Variants in MCC observed in about 807,000 individuals in gnomAD.
The protein encoded by MCC is colorectal mutant cancer protein.
MCC carries 90 observed loss-of-function variants against 116.2 expected under a neutral mutation model. The observed-to-expected ratio is 0.77, with a 90% CI of 0.65 to 0.92. The LOEUF is 0.92. MCC is among the 40% of genes least tolerant of loss of function. MCC has a pLI of 0.00. For synonymous variants in MCC, 578 were observed against 510.5 expected (o/e 1.13, Z -1.78); for missense variants, 1,516 against 1,312.2 (o/e 1.16, Z -2.40).
At chr5:113,142,130 C>A (rs150612785) in intron 5 of MCC, among the ~76,000 whole-genome samples, 115 of 152,170 alleles carry the variant, frequency 7.6e-4, no homozygotes, top group African/African-American at 2.7e-3. Context: ...AAAACAGATG[C>A]CCATTAGTAG....
intron 3 of MCC, among the ~76,000 whole-genome samples, chr5:113,324,645 G>A (rs1767505555): frequency 6.6e-6 from 1 of 152,158 alleles, no homozygotes; most frequent in Non-Finnish European, 1.5e-5. Context: ...TAGATGGCAT[G>A]AATAACACTA....
chr5:113,201,626 T>C (rs563505299), intron 3 of MCC, among the ~76,000 whole-genome samples: 5 of 152,328 alleles, frequency 3.3e-5, no homozygotes, highest in South Asian at 2.1e-4. Flanking sequence ...CAAACTTTTA[T>C]GAAAACTTGA....
At chr5:113,149,257 A>T (rs1418126457) in intron 4 of MCC, among the ~76,000 whole-genome samples, 1 of 152,094 alleles carries the variant, frequency 6.6e-6, no homozygotes, top group Non-Finnish European at 1.5e-5. Flanking sequence ...AAACACTGTA[A>T]AACAAAAAAA....
At chr5:113,071,299 C>T (rs1357077306) in intron 11 of MCC, 65 bp from the exon 12 acceptor site, 1 of 1,554,282 alleles carries the variant, frequency 6.4e-7, no homozygotes, top group South Asian at 1.2e-5. Flanking sequence ...TTTCAGTTGT[C>T]TCATTTATAT....
At chr5:113,129,351 G>C (rs904969826) in intron 5 of MCC, among the ~76,000 whole-genome samples, 2 of 152,220 alleles carry the variant, frequency 1.3e-5, no homozygotes, top group Non-Finnish European at 2.9e-5. Context: ...GACAAAAAAA[G>C]TCACTGGATT....
intron 2 of MCC, among the ~76,000 whole-genome samples, chr5:113,364,239 AAAAAAAAAAAAAAAAAAAAAACCAG>A (rs1034866855): frequency 1.7e-4 from 11 of 64,944 alleles, no homozygotes; most frequent in Non-Finnish European, 2.8e-4. Flanking sequence ...TCAAAAACAG[AAAAAAAAAAAAAAAAAAAAAACCAG>A]AAAAAAAAAA....
At chr5:113,334,008 ATAAT>A (rs1197204842) in intron 3 of MCC, among the ~76,000 whole-genome samples, 6 of 145,886 alleles carry the variant, frequency 4.1e-5, no homozygotes, top group East Asian at 2.0e-4. Flanking sequence ...CTTTTATAGT[ATAAT>A]TAATTTTAGT....
chr5:113,051,328 C>T (rs577608299), intron 15 of MCC, among the ~76,000 whole-genome samples: 1 of 152,100 alleles, frequency 6.6e-6, no homozygotes, highest in Admixed American at 6.6e-5. Flanking sequence ...TAAGAGTCAG[C>T]ATTTACAAGA....
rs377109328 is a variant in MCC at position 113,112,145 on chromosome 5, C to T, written c.1028-7790G>A. Among the ~76,000 whole-genome samples, 351 of 152,312 alleles carry T rather than the reference C, an allele frequency of 2.3e-3. 1 individual carries two copies. The highest frequency in any genetic ancestry group is 6.8e-3 in the Admixed American group (104 of 15,302). ...AGTATGGTCCCAGCTTCCAAAAGCA[C>T]GTGTTCCTGGGGATCGGTACTTGCT... On this transcript the variant is annotated intron_variant, in intron 6 of 18. Coordinates refer to ENST00000408903, the MANE Select transcript of MCC (RefSeq NM_001085377.2).
At chr5:113,241,600 A>G (rs1201572674) in intron 3 of MCC, among the ~76,000 whole-genome samples, 2 of 152,226 alleles carry the variant, frequency 1.3e-5, no homozygotes, top group Non-Finnish European at 2.9e-5. Context: ...TCACACATAC[A>G]GGACTACTGT....
intron 17 of MCC, among the ~76,000 whole-genome samples, chr5:113,032,824 C>T (rs202071714): frequency 1.3e-5 from 2 of 152,224 alleles, no homozygotes; most frequent in Admixed American, 1.3e-4. Context: ...AAACCCAAGA[C>T]GGCCACAAGA....
chr5:113,434,995 A>C lies in MCC; in HGVS notation c.171-49783T>G. 1.2e-6 allele frequency: 1 copy of C among 859,692 alleles called. No individual in the cohort carries two copies. Among genetic ancestry groups the C allele is most frequent in the Non-Finnish European group, 1.8e-6 (1 of 567,622 alleles). The allele number at this position is 859,692 out of a possible 1,614,324, so 53.3% of individuals were successfully genotyped here. On this transcript the variant is annotated intron_variant, in intron 1 of 18. Transcript: ENST00000408903. This position sits in a 1 kb window ranked among gnomAD's most constrained non-coding sequence, Gnocchi z 4.2. ...AGAGGCCAAGACTCTGGAGTGGAACATTTGGCACTGTCTCCCAGATGACTT... is the reference window on the plus strand; with the variant it reads ...AGAGGCCAAGACTCTGGAGTGGAACCTTTGGCACTGTCTCCCAGATGACTT...
intron 1 of MCC, among the ~76,000 whole-genome samples, chr5:113,452,620 T>C (rs1771432167): frequency 1.3e-5 from 2 of 152,246 alleles, no homozygotes; most frequent in South Asian, 4.1e-4. Context: ...TTTTATAAGC[T>C]ACCTGATTTA....
chr5:113,177,961 CCTT>C (rs1761422186), intron 3 of MCC, among the ~76,000 whole-genome samples: 1 of 152,140 alleles, frequency 6.6e-6, no homozygotes, highest in Non-Finnish European at 1.5e-5. Flanking sequence ...AATTTTTTCT[CCTT>C]ATCTTAGAAG....
intron 17 of MCC, among the ~76,000 whole-genome samples, chr5:113,042,002 A>C (rs1341738065): frequency 6.6e-6 from 1 of 152,036 alleles, no homozygotes; most frequent in Non-Finnish European, 1.5e-5. Flanking sequence ...GTCTCAAAAA[A>C]CAAAAACAAA....
intron 2 of MCC, among the ~76,000 whole-genome samples, chr5:113,354,270 C>G (rs1768353618): frequency 6.6e-6 from 1 of 152,126 alleles, no homozygotes; most frequent in Admixed American, 6.6e-5. Flanking sequence ...CAGATATAGT[C>G]ATATAGCCCA....
At chr5:113,294,535 G>T (rs1766646108) in intron 3 of MCC, 1 of 1,447,208 alleles carries the variant, frequency 6.9e-7, no homozygotes, top group Admixed American at 2.4e-5. Context: ...AAGCGCAAAC[G>T]GAGGATGCAG....
chr5:113,431,297 T>C (rs1415789586), intron 1 of MCC, among the ~76,000 whole-genome samples: 1 of 152,040 alleles, frequency 6.6e-6, no homozygotes, highest in African/African-American at 2.4e-5. Flanking sequence ...CTGAGGGGCT[T>C]AGACAAAAGA....
At chr5:113,327,545 C>CAAAAAAAA (rs1189402090) in intron 3 of MCC, among the ~76,000 whole-genome samples, 6 of 57,186 alleles carry the variant, frequency 1.0e-4, no homozygotes, top group South Asian at 5.3e-4. Flanking sequence ...GACTCAGTCT[C>CAAAAAAAA]AAAAAAAAAA....
Sources: allele counts gnomAD v4.1 joint callset (sites outside exome capture counted in the v4.1 genomes callset), GRCh38; gene constraint gnomAD v4.1.1; non-coding constraint Gnocchi (gnomAD v3.1); transcripts MANE v1.5; gene names NCBI Gene and HGNC (gene_info 2026-07-23, HGNC 2026-07-21).